Variants in DNAAF11 observed in about 807,000 individuals in gnomAD.
The protein encoded by DNAAF11 is dynein axonemal assembly factor 11.
Under a neutral mutation model 60.8 loss-of-function variants are expected in DNAAF11, and 45 were observed. The observed-to-expected ratio is 0.74, with a 90% confidence interval of 0.58 to 0.95. The LOEUF is 0.95. DNAAF11 is among the 40% of genes least tolerant of loss of function. The pLI, the probability that DNAAF11 is intolerant of heterozygous loss-of-function variation, is 0.00. For missense variants in DNAAF11, 546 were observed against 546.2 expected (o/e 1.00, Z 0.00); for synonymous variants, 191 against 183.5 (o/e 1.04, Z -0.33).
intron 7 of DNAAF11, among the ~76,000 whole-genome samples, chr8:132,616,493 T>C (rs1586590823): frequency 1.3e-5 from 2 of 152,174 alleles, no homozygotes; most frequent in South Asian, 4.1e-4. Context: ...GAAGAGTTCA[T>C]AGGACGCACT....
chr8:132,633,254 C>T (rs1820985050), intron 4 of DNAAF11, among the ~76,000 whole-genome samples: 1 of 151,930 alleles, frequency 6.6e-6, no homozygotes, highest in Non-Finnish European at 1.5e-5. Context: ...CTCACTATGT[C>T]AAAAATGTCA....
intron 7 of DNAAF11, among the ~76,000 whole-genome samples, chr8:132,616,687 A>G (rs1819193768): frequency 6.6e-6 from 1 of 152,160 alleles, no homozygotes; most frequent in African/African-American, 2.4e-5. Flanking sequence ...ACTCTCTTAT[A>G]TCCACCCAGT....
upstream of DNAAF11, among the ~76,000 whole-genome samples, chr8:132,676,624 C>T (rs1168068953): frequency 7.0e-6 from 1 of 142,126 alleles, no homozygotes; most frequent in African/African-American, 3.2e-5. Context: ...TTACAGCTGG[C>T]AATTATTAGA....
chr8:132,587,611 T>C (rs1481735545), intron 10 of DNAAF11, among the ~76,000 whole-genome samples: 2 of 152,154 alleles, frequency 1.3e-5, no homozygotes, highest in African/African-American at 4.8e-5. Flanking sequence ...GTCTTATTCA[T>C]TTGTGCTAAA....
the DNAAF11 span, chr8:132,702,249 T>C: frequency 6.6e-6 from 1 of 152,234 alleles, no homozygotes; most frequent in Admixed American, 6.5e-5. Flanking sequence ...AGGTCTGTTT[T>C]ATAAATGAGC....
intron 2 of DNAAF11, among the ~76,000 whole-genome samples, chr8:132,660,300 A>T (rs572888992): frequency 2.0e-4 from 31 of 152,170 alleles, no homozygotes; most frequent in African/African-American, 7.5e-4. Context: ...ATATGTATAC[A>T]TGTGCCGTGC....
intron 3 of DNAAF11, among the ~76,000 whole-genome samples, chr8:132,653,574 C>A (rs1251045109): frequency 6.6e-6 from 1 of 151,974 alleles, no homozygotes; most frequent in East Asian, 1.9e-4. Context: ...AATTATAAAT[C>A]TATGCAAATA....
At chr8:132,684,968 A>C in the DNAAF11 span, 2 of 152,198 alleles carry the variant, frequency 1.3e-5, no homozygotes, top group East Asian at 3.9e-4. Flanking sequence ...CATTACACAC[A>C]TTTCCACACA....
rs1373310379 is a variant in DNAAF11, at chr8:132,571,648, C to T, written c.*658G>A. Among the ~76,000 whole-genome samples, 2 of 152,084 alleles carry T rather than the reference C, an allele frequency of 1.3e-5. No homozygotes were observed. Among genetic ancestry groups the T allele is most frequent in the Non-Finnish European group, 2.9e-5 (2 of 68,008 alleles). On this transcript the variant is annotated 3_prime_UTR_variant, in exon 12 of 12. Coordinates refer to ENST00000620350, the MANE Select transcript of DNAAF11 (RefSeq NM_012472.6). ...AGAGGCTCTAAATGTATGGCTGACA[C>T]TGTACTAAGTGCTTTCTGCAGTTTA...
chr8:132,674,347 C>T (rs1158813387), intron 1 of DNAAF11, among the ~76,000 whole-genome samples: 2 of 152,100 alleles, frequency 1.3e-5, no homozygotes, highest in Non-Finnish European at 2.9e-5. Context: ...AATCACTCCC[C>T]CCCGACCCCC....
chr8:132,654,984 A>G lies in DNAAF11; in HGVS notation c.256+1846T>C, dbSNP rs556231045. On this transcript the variant is annotated intron_variant, in intron 3 of 11. Coordinates refer to ENST00000620350, the MANE Select transcript of DNAAF11 (RefSeq NM_012472.6). ...ACAAAATCAAAAGTTGGTTCTTTGA[A>G]AAGATTGACCAAATTGACAAACCGT... 2.6e-5 allele frequency among the ~76,000 whole-genome samples: 4 copies of G among 152,168 alleles called. No homozygotes were observed. In the East Asian group the frequency reaches 7.7e-4, roughly 29 times the overall value.
chr8:132,678,245 G>A (rs546750474), upstream of DNAAF11, among the ~76,000 whole-genome samples: 51 of 152,294 alleles, frequency 3.3e-4, no homozygotes, highest in South Asian at 7.5e-3. Context: ...GCTGCCTGCC[G>A]TATGGACCCT....
intron 3 of DNAAF11, among the ~76,000 whole-genome samples, chr8:132,653,527 CT>C (rs1823236263): frequency 6.6e-6 from 1 of 151,954 alleles, no homozygotes. Context: ...CTATTTTCTT[CT>C]CCTAAATTAT....
intron 6 of DNAAF11, 39 bp downstream of exon 6, chr8:132,625,233 G>A (rs1472711410): frequency 6.9e-7 from 1 of 1,449,716 alleles, no homozygotes; most frequent in African/African-American, 1.4e-5. Flanking sequence ...TAGTTGATAA[G>A]TGGCTACTGC....
intron 5 of DNAAF11, among the ~76,000 whole-genome samples, chr8:132,629,500 A>G (rs928719108): frequency 2.0e-5 from 3 of 151,946 alleles, no homozygotes; most frequent in Non-Finnish European, 4.4e-5. Flanking sequence ...GGCGCCTGCC[A>G]CCACACCTGG....
At chr8:132,678,404 T>C (rs554408537), upstream of DNAAF11, among the ~76,000 whole-genome samples, 1 of 152,346 alleles carries the variant, frequency 6.6e-6, no homozygotes, top group South Asian at 2.1e-4. Context: ...AACAAGCAAC[T>C]TTCGTAGTCA....
At chr8:132,670,652 C>A (rs928982297) in intron 1 of DNAAF11, among the ~76,000 whole-genome samples, 1 of 151,972 alleles carries the variant, frequency 6.6e-6, no homozygotes, top group African/African-American at 2.4e-5. Context: ...AAATGCATTA[C>A]AAGAAAAGAA....
At chr8:132,673,059 G>T (rs1272700091) in intron 1 of DNAAF11, among the ~76,000 whole-genome samples, 1 of 152,188 alleles carries the variant, frequency 6.6e-6, no homozygotes, top group African/African-American at 2.4e-5. Flanking sequence ...CATTTATTGG[G>T]AAGCACGGGG....
chr8:132,701,156 G>A, the DNAAF11 span, among the ~76,000 whole-genome samples: 24 of 152,276 alleles, frequency 1.6e-4, no homozygotes, highest in East Asian at 4.6e-3. Flanking sequence ...TCTTAGCACT[G>A]TTACAATGGC....
Sources: gnomAD v4.1 joint callset for allele counts (sites outside exome capture counted in the v4.1 genomes callset) on GRCh38, gnomAD v4.1.1 for gene constraint, MANE v1.5 for transcripts, NCBI Gene and HGNC (gene_info 2026-07-23, HGNC 2026-07-21) for gene names.